WNT4: variants seen among roughly 807,000 people sequenced by gnomAD.
WNT4 encodes the protein Wnt family member 4, also known as protein Wnt-4.
In WNT4, 16 loss-of-function variants were observed where a neutral mutation model predicts 34.5. The ratio of observed to expected loss-of-function variants is 0.46; its 90% CI spans 0.31 to 0.70. WNT4 has a LOEUF of 0.70. WNT4 is among the 30% of genes least tolerant of loss of function. WNT4 has a pLI of 0.04. For missense variants in WNT4, 379 were observed against 495.9 expected (o/e 0.76, Z 2.24); for synonymous variants, 200 against 211.9 (o/e 0.94, Z 0.49).
intron 1 of WNT4, among the ~76,000 whole-genome samples, chr1:22,138,090 A>C (rs1287372028): frequency 6.6e-6 from 1 of 152,218 alleles, no homozygotes; most frequent in Non-Finnish European, 1.5e-5. Flanking sequence ...GATGTTTATA[A>C]CCTTGTAGAA....
In WNT4 at chr1:22,142,033, C is replaced by G. The variant is rs1436956012; in HGVS notation, c.77+813G>C. On this transcript the variant is annotated intron_variant, in intron 1 of 4. Transcript: ENST00000290167. The surrounding 1 kb of genome is among the most constrained non-coding windows in gnomAD (Gnocchi z 6.0). ...AAAGGAGCGCGGGTCCGCTTGCTCC[C>G]TGTCCACCCACTCACTGGAGCTCAT... Among the ~76,000 whole-genome samples the G allele has an allele frequency of 1.3e-5, 2 of 152,212 alleles. No homozygotes were observed. The highest frequency in any genetic ancestry group is 2.9e-5 in the Non-Finnish European group (2 of 68,038).
chr1:22,121,282 G>A lies in WNT4; in HGVS notation c.517C>T (p.Arg173Trp), dbSNP rs962581788. ...VAFSQSFVDV[R>W]ERSKGASSSR... ...GACGAGGCCCCCTTGCTTCTCTCCCGCACATCCACAAACGACTGTGAGAAG... is the reference window on the plus strand; with the variant it reads ...GACGAGGCCCCCTTGCTTCTCTCCCACACATCCACAAACGACTGTGAGAAG... The change falls in exon 4 of 5, where the codon CGG (arginine) becomes TGG (tryptophan). Residue 173 changes from arginine (R) to tryptophan (W), a missense_variant. By Grantham distance (101) the Arg-to-Trp change is moderately radical. Around this residue, in one of 2 missense-constraint regions of WNT4, gnomAD observed 313 missense variants for 445.8 expected, o/e 0.70. Transcript: ENST00000290167. 3.7e-6 allele frequency: 6 copies of A among 1,613,804 alleles called. No homozygotes were observed. Among genetic ancestry groups the A allele is most frequent in the Non-Finnish European group, 5.1e-6 (6 of 1,179,990 alleles).
At chr1:22,126,882 G>C (rs1384903397) in intron 2 of WNT4, among the ~76,000 whole-genome samples, 2 of 152,216 alleles carry the variant, frequency 1.3e-5, no homozygotes, top group African/African-American at 2.4e-5. Context: ...CAGATGCTCA[G>C]GGGAGTGCAG....
intron 4 of WNT4, 131 bp downstream of exon 4, chr1:22,121,079 GC>G (rs1645893942): frequency 1.4e-6 from 2 of 1,449,510 alleles, no homozygotes; most frequent in African/African-American, 2.8e-5. Context: ...AACCCCACTG[GC>G]CTACAGAAGG....
Position 22,120,078 on chromosome 1 carries a change from C to A in WNT4, c.1028G>T (p.Arg343Leu). The A allele has an allele frequency of 6.2e-7, 1 of 1,611,602 alleles. No homozygotes were observed. Among genetic ancestry groups the A allele is most frequent in the Non-Finnish European group, 8.5e-7 (1 of 1,179,694 alleles). ...CCFVKCRQCQ[R>L]LVELHTCR ...TCGGCACGTGTGCAACTCCACGAGC[C>A]GCTGGCACTGCCGGCACTTGACGAA... is the stretch of plus-strand genomic sequence containing the variant. Residue 343 changes from arginine (R) to leucine (L), a missense_variant, in exon 5 of 5, where the codon CGG becomes CTG. Arg to Leu is a moderately radical substitution (Grantham distance 102). Coordinates refer to ENST00000290167, the MANE Select transcript of WNT4 (RefSeq NM_030761.5).
At chr1:22,123,093 C>G (rs964380680) in intron 2 of WNT4, among the ~76,000 whole-genome samples, 8 of 152,234 alleles carry the variant, frequency 5.3e-5, no homozygotes, top group African/African-American at 1.7e-4. Flanking sequence ...GAGACGACTT[C>G]AGTTTCTGGT....
chr1:22,141,270 TTTTG>T (rs536132721), intron 1 of WNT4, among the ~76,000 whole-genome samples: 22 of 152,288 alleles, frequency 1.4e-4, no homozygotes, highest in South Asian at 1.0e-3. Context: ...TTTCTTTGTT[TTTTG>T]TTTGTTTGTT....
At chr1:22,122,998 C>T (rs904918447) in intron 2 of WNT4, among the ~76,000 whole-genome samples, 4 of 152,362 alleles carry the variant, frequency 2.6e-5, no homozygotes, top group African/African-American at 9.6e-5. Context: ...GGCGCCTCGA[C>T]AGCCTGAGAC....
Position 22,120,423 on chromosome 1 carries a change from C to T in WNT4, c.683G>A (p.Arg228His), listed in dbSNP as rs556969535. ...KTCWRAVPPF[R>H]QVGHALKEKF... Reference sequence around the variant, plus strand: ...CTCCTTCAGTGCGTGACCCACCTGGCGGAAGGGCGGCACGGCTCGCCAGCA... The same window carrying T: ...CTCCTTCAGTGCGTGACCCACCTGGTGGAAGGGCGGCACGGCTCGCCAGCA... Residue 228 changes from arginine (R) to histidine (H), a missense_variant, in exon 5 of 5, where the codon CGC becomes CAC. This residue lies in a region of WNT4 where 313 missense variants were observed against 445.8 expected (regional missense o/e 0.70). Coordinates refer to ENST00000290167, the MANE Select transcript of WNT4 (RefSeq NM_030761.5). The T allele has an allele frequency of 1.5e-5, 25 of 1,613,736 alleles. No homozygotes were observed. The highest frequency in any genetic ancestry group is 4.4e-5 in the South Asian group (4 of 91,070).
At chr1:22,141,859 T>C in intron 1 of WNT4, among the ~76,000 whole-genome samples, 1 of 152,206 alleles carries the variant, frequency 6.6e-6, no homozygotes. Flanking sequence ...CTGTTGGCGA[T>C]CCCCCTTCCC....
At chr1:22,120,647 T>G (rs910074973) in intron 4 of WNT4, 130 bp from the exon 5 acceptor site, 98 of 933,704 alleles carry the variant, frequency 1.0e-4, no homozygotes, top group African/African-American at 4.9e-5. Context: ...CCGTTGTGCC[T>G]CCTCTTAGGA....
At chr1:22,120,591 C>T (rs1031746800) in intron 4 of WNT4, 74 bp from the exon 5 acceptor site, 1 of 1,477,128 alleles carries the variant, frequency 6.8e-7, no homozygotes. Context: ...CGGAGGCTGA[C>T]AGCCGAGCAT....
At chr1:22,121,424 C>G (rs1200858358) in intron 3 of WNT4, 21 bp downstream of exon 3, 2 of 1,613,954 alleles carry the variant, frequency 1.2e-6, no homozygotes, top group Middle Eastern at 1.6e-4. Context: ...CCCTCCCACT[C>G]TGACCACCTC....
Position 22,142,190 on chromosome 1 carries a change from G to C in WNT4, c.77+656C>G, listed in dbSNP as rs946119798. ...CCTTCCTCCTTAGGCTAGACACGGG[G>C]AGCTGGGGGGCCGTTGTCTTCTTTA... On this transcript the variant is annotated intron_variant, in intron 1 of 4. Transcript: ENST00000290167. The surrounding 1 kb of genome is among the most constrained non-coding windows in gnomAD (Gnocchi z 6.0). 3.9e-5 allele frequency among the ~76,000 whole-genome samples: 6 copies of C among 152,174 alleles called. No individual in the cohort carries two copies. The highest frequency in any genetic ancestry group is 8.8e-5 in the Non-Finnish European group (6 of 68,024).
Position 22,126,521 on chromosome 1 carries a change from G to GT in WNT4, c.313+3094dup, listed in dbSNP as rs1645941546. Among the ~76,000 whole-genome samples, 4 of 152,338 alleles carry GT rather than the reference G, an allele frequency of 2.6e-5. No individual in the cohort carries two copies. The South Asian group carries it at 8.3e-4, about 32-fold the overall frequency. On this transcript the variant is annotated intron_variant, in intron 2 of 4. Coordinates refer to ENST00000290167, the MANE Select transcript of WNT4 (RefSeq NM_030761.5). Reference sequence around the variant, plus strand: ...AGCTGTGATGTGGGAGAACAGCACTGTAAACTCAGTGTCACGAGGATGACC... The same window carrying GT: ...AGCTGTGATGTGGGAGAACAGCACTGTTAAACTCAGTGTCACGAGGATGACC...
chr1:22,133,072 C>T (rs922452448), intron 1 of WNT4, among the ~76,000 whole-genome samples: 38 of 152,146 alleles, frequency 2.5e-4, no homozygotes, highest in African/African-American at 8.9e-4. Context: ...TAAAGTCCCA[C>T]AGCTAGAGCG....
At chr1:22,121,084 C>A (rs1462809828) in intron 4 of WNT4, 127 bp downstream of exon 4, 9 of 1,480,936 alleles carry the variant, frequency 6.1e-6, no homozygotes, top group Non-Finnish European at 8.2e-6. Context: ...CACTGGCCTA[C>A]AGAAGGTGCC....
rs1377077234 is a variant in WNT4, at chr1:22,142,194, T to TG, written c.77+651dup. ...CCTCCTTAGGCTAGACACGGGGAGC[T>TG]GGGGGGCCGTTGTCTTCTTTAAGGT... On this transcript the variant is annotated intron_variant, in intron 1 of 4. Coordinates refer to ENST00000290167, the MANE Select transcript of WNT4 (RefSeq NM_030761.5). This position sits in a 1 kb window ranked among gnomAD's most constrained non-coding sequence, Gnocchi z 6.0. Among the ~76,000 whole-genome samples the TG allele has an allele frequency of 6.6e-6, 1 of 152,092 alleles. No homozygotes were observed. The highest frequency in any genetic ancestry group is 1.5e-5 in the Non-Finnish European group (1 of 68,006).
chr1:22,121,470 C>T lies in WNT4; in HGVS notation c.420G>A (p.Arg140=). The change falls in exon 3 of 5, where the codon AGG becomes AGA. Residue 140 remains arginine, a synonymous_variant. Coordinates refer to ENST00000290167, the MANE Select transcript of WNT4 (RefSeq NM_030761.5). The part of the protein sequence containing the change: ...SGELEKCGCD[R]TVHGVSPQGF... Reference sequence around the variant, plus strand: ...CCTGTGGGCTGACCCCATGCACTGTCCTGTCACAGCCGCACTTCTCCAGCT... The same window carrying T: ...CCTGTGGGCTGACCCCATGCACTGTTCTGTCACAGCCGCACTTCTCCAGCT... 1 of 1,614,066 alleles carries T rather than the reference C, an allele frequency of 6.2e-7. No individual in the cohort carries two copies. The highest frequency in any genetic ancestry group is 1.3e-5 in the African/African-American group (1 of 75,058).
Sources: allele counts gnomAD v4.1 joint callset (sites outside exome capture counted in the v4.1 genomes callset), GRCh38; gene constraint gnomAD v4.1.1; regional missense constraint gnomAD v4.1.1; non-coding constraint Gnocchi (gnomAD v3.1); transcripts MANE v1.5; gene names NCBI Gene and HGNC (gene_info 2026-07-23, HGNC 2026-07-21).